Variants in LRRTM3 observed in about 807,000 individuals in gnomAD.
The protein encoded by LRRTM3 is leucine-rich repeat transmembrane neuronal protein 3.
A neutral mutation model predicts 44.7 loss-of-function variants in LRRTM3; 24 were observed. The ratio of observed to expected loss-of-function variants is 0.54; its 90% CI spans 0.39 to 0.76. The LOEUF (loss-of-function observed/expected upper bound fraction) is 0.76, where lower values mean the gene tolerates loss of function less well. Ranked by LOEUF, LRRTM3 falls within the 30% of genes least tolerant of loss-of-function variation. The probability of loss-of-function intolerance (pLI) is 0.00; values close to 1 mark genes in which losing one functional copy is unlikely to be tolerated. For synonymous variants in LRRTM3, 277 were observed against 278.7 expected (o/e 0.99, Z 0.06); for missense variants, 587 against 702.2 (o/e 0.84, Z 1.85).
intron 2 of LRRTM3, among the ~76,000 whole-genome samples, chr10:66,994,919 T>C (rs532876059): frequency 1.2e-3 from 186 of 152,276 alleles, no homozygotes; most frequent in African/African-American, 4.2e-3. Context: ...GTGGAAAACA[T>C]GGGCTCAGCT....
At chr10:67,007,727 G>A (rs775976484) in intron 2 of LRRTM3, among the ~76,000 whole-genome samples, 11 of 151,372 alleles carry the variant, frequency 7.3e-5, no homozygotes, top group Non-Finnish European at 1.2e-4. Context: ...TAGTAGAAAG[G>A]TTCTATTCCA....
At chr10:66,932,902 C>T (rs980645421) in intron 2 of LRRTM3, among the ~76,000 whole-genome samples, 2 of 152,114 alleles carry the variant, frequency 1.3e-5, no homozygotes, top group African/African-American at 4.8e-5. Flanking sequence ...AGAATACGGG[C>T]CTTAGAAATT....
intron 2 of LRRTM3, among the ~76,000 whole-genome samples, chr10:67,096,226 T>C (rs1177681445): frequency 1.3e-5 from 2 of 151,842 alleles, no homozygotes; most frequent in African/African-American, 4.8e-5. Flanking sequence ...TGATTACTTT[T>C]ATTAAAGAGA....
intron 2 of LRRTM3, among the ~76,000 whole-genome samples, chr10:66,941,521 G>A (rs1847994452): frequency 6.6e-6 from 1 of 152,100 alleles, no homozygotes; most frequent in South Asian, 2.1e-4. Context: ...TCAACTGTAT[G>A]GAATTTGAAT....
chr10:67,053,772 T>C (rs1188509690), intron 2 of LRRTM3, among the ~76,000 whole-genome samples: 1 of 152,128 alleles, frequency 6.6e-6, no homozygotes, highest in East Asian at 1.9e-4. Flanking sequence ...CTAAAGGAAT[T>C]GCAAGATGGA....
At chr10:66,962,467 T>G (rs1849165659) in intron 2 of LRRTM3, among the ~76,000 whole-genome samples, 2 of 151,842 alleles carry the variant, frequency 1.3e-5, no homozygotes, top group Admixed American at 6.6e-5. Flanking sequence ...TGGAGTGCAG[T>G]GGTGTGATCT....
chr10:67,025,388 C>T (rs115035993), intron 2 of LRRTM3, among the ~76,000 whole-genome samples: 1 of 151,586 alleles, frequency 6.6e-6, no homozygotes, highest in East Asian at 1.9e-4. Flanking sequence ...GCCACATATC[C>T]AACTTTTTAC....
In LRRTM3 at chr10:66,939,301, C is replaced by T. The variant is rs192903045; in HGVS notation, c.1536+10849C>T. 3.3e-3 allele frequency among the ~76,000 whole-genome samples: 501 copies of T among 152,186 alleles called. 6 individuals carry two copies. Among genetic ancestry groups the T allele is most frequent in the East Asian group, 7.1e-3 (37 of 5,184 alleles). ...TCCTTTATTCCTTTGCACTACATTT[C>T]TTTTTCTCTTTCTCATCTCCACTTA... On this transcript the variant is annotated intron_variant, in intron 2 of 2. Coordinates refer to ENST00000361320, the MANE Select transcript of LRRTM3 (RefSeq NM_178011.5).
At chr10:67,015,690 C>T (rs577730693) in intron 2 of LRRTM3, among the ~76,000 whole-genome samples, 115 of 152,218 alleles carry the variant, frequency 7.6e-4, no homozygotes, top group Admixed American at 1.4e-3. Flanking sequence ...TTTGAAGATT[C>T]AAATCTTTGT....
chr10:66,948,107 G>T (rs1244694233), intron 2 of LRRTM3, among the ~76,000 whole-genome samples: 1 of 152,148 alleles, frequency 6.6e-6, no homozygotes, highest in Non-Finnish European at 1.5e-5. Flanking sequence ...TAACTTGTGG[G>T]ATCACCATCA....
chr10:67,010,922 T>C (rs1363140738), intron 2 of LRRTM3, among the ~76,000 whole-genome samples: 1 of 152,154 alleles, frequency 6.6e-6, no homozygotes, highest in East Asian at 1.9e-4. Flanking sequence ...TGAATTGACA[T>C]TTTCAAAAAC....
chr10:67,043,597 C>T (rs1325226764), intron 2 of LRRTM3, among the ~76,000 whole-genome samples: 1 of 152,234 alleles, frequency 6.6e-6, no homozygotes, highest in African/African-American at 2.4e-5. Context: ...ATGTGCTGAT[C>T]GTTCAGTCTG....
chr10:67,055,586 A>T (rs1855378675), intron 2 of LRRTM3, among the ~76,000 whole-genome samples: 1 of 152,190 alleles, frequency 6.6e-6, no homozygotes, highest in African/African-American at 2.4e-5. Flanking sequence ...AAAACTTAAC[A>T]TGACCCAAAA....
intron 2 of LRRTM3, among the ~76,000 whole-genome samples, chr10:66,990,489 A>G (rs1482074005): frequency 1.3e-5 from 2 of 152,180 alleles, no homozygotes; most frequent in African/African-American, 2.4e-5. Context: ...GACGGAACCT[A>G]TTTAGATTTT....
chr10:66,985,929 T>C (rs1850705512), intron 2 of LRRTM3, among the ~76,000 whole-genome samples: 1 of 152,038 alleles, frequency 6.6e-6, no homozygotes, highest in African/African-American at 2.4e-5. Context: ...GGTTTCACCA[T>C]GTTGGCCAGG....
intron 2 of LRRTM3, among the ~76,000 whole-genome samples, chr10:66,991,549 T>C (rs1038185026): frequency 6.6e-6 from 1 of 152,106 alleles, no homozygotes; most frequent in African/African-American, 2.4e-5. Context: ...AAAACAAATT[T>C]ATTTATTTAT....
chr10:66,954,997 T>C (rs1469465028), intron 2 of LRRTM3, among the ~76,000 whole-genome samples: 1 of 152,196 alleles, frequency 6.6e-6, no homozygotes, highest in African/African-American at 2.4e-5. Flanking sequence ...GACGTAAACA[T>C]GCTTTGGAAA....
At chr10:67,078,866 CA>C (rs1234882689) in intron 2 of LRRTM3, among the ~76,000 whole-genome samples, 1 of 152,140 alleles carries the variant, frequency 6.6e-6, no homozygotes, top group Non-Finnish European at 1.5e-5. Flanking sequence ...GCAAGGTTAG[CA>C]GGACACTTGT....
intron 2 of LRRTM3, among the ~76,000 whole-genome samples, chr10:66,974,022 A>T (rs556964961): frequency 4.5e-4 from 68 of 152,306 alleles, no homozygotes; most frequent in African/African-American, 1.6e-3. Flanking sequence ...ACACCAGTGT[A>T]ACCACCACAC....
Sources: allele counts gnomAD v4.1 joint callset (sites outside exome capture counted in the v4.1 genomes callset), GRCh38; gene constraint gnomAD v4.1.1; transcripts MANE v1.5; gene names NCBI Gene and HGNC (gene_info 2026-07-23, HGNC 2026-07-21).